The following SORBS2 variants were observed in gnomAD, a reference collection of about 807,000 sequenced individuals.
The protein encoded by SORBS2 is sorbin and SH3 domain containing 2.
A neutral mutation model predicts 97.7 loss-of-function variants in SORBS2; 46 were observed. The observed-to-expected ratio is 0.47, with a 90% CI of 0.37 to 0.60. The LOEUF (loss-of-function observed/expected upper bound fraction) is 0.60, where lower values mean the gene tolerates loss of function less well. Ranked by LOEUF, SORBS2 falls within the 20% of genes least tolerant of loss-of-function variation. The pLI, the probability that SORBS2 is intolerant of heterozygous loss-of-function variation, is 0.00. For synonymous variants in SORBS2, 476 were observed against 473.4 expected (o/e 1.01, Z -0.07); for missense variants, 1,316 against 1,282.3 (o/e 1.03, Z -0.40).
chr4:185,752,658 C>T (rs868676003), intron 2 of SORBS2, among the ~76,000 whole-genome samples: 4 of 152,172 alleles, frequency 2.6e-5, no homozygotes, highest in Admixed American at 6.5e-5. Flanking sequence ...AAAATCATGC[C>T]GATGGAAAGC....
chr4:185,894,269 G>A (rs917134939), intron 1 of SORBS2: 2 of 152,192 alleles, frequency 1.3e-5, no homozygotes, highest in African/African-American at 4.8e-5. Context: ...GTTGGCAGGT[G>A]TTGGGGAAAA....
At chr4:185,824,267 C>T (rs189256059) in intron 1 of SORBS2, among the ~76,000 whole-genome samples, 48 of 152,304 alleles carry the variant, frequency 3.2e-4, no homozygotes, top group African/African-American at 1.1e-3. Flanking sequence ...CCTGACCTGG[C>T]TTGTGGCAGT....
At chr4:185,852,828 G>A (rs758324598) in intron 1 of SORBS2, among the ~76,000 whole-genome samples, 1 of 152,090 alleles carries the variant, frequency 6.6e-6, no homozygotes, top group African/African-American at 2.4e-5. Context: ...TTCTCTTTTT[G>A]TTTACTTGAA....
At chr4:185,847,594 C>T (rs977031388) in intron 1 of SORBS2, among the ~76,000 whole-genome samples, 2 of 152,194 alleles carry the variant, frequency 1.3e-5, no homozygotes, top group Non-Finnish European at 2.9e-5. Flanking sequence ...GAGTAAGCGA[C>T]ATATGGCATG....
chr4:185,667,284 C>G (rs960087372), intron 4 of SORBS2, among the ~76,000 whole-genome samples: 6 of 152,074 alleles, frequency 3.9e-5, no homozygotes, highest in African/African-American at 1.4e-4. Flanking sequence ...GAAATACTGC[C>G]TAGTAAATGT....
At chr4:185,857,859 C>G (rs1026284124) in intron 1 of SORBS2, among the ~76,000 whole-genome samples, 1 of 152,114 alleles carries the variant, frequency 6.6e-6, no homozygotes, top group Non-Finnish European at 1.5e-5. Flanking sequence ...GCTCTCAAAC[C>G]CTGTTTCCTG....
intron 2 of SORBS2, among the ~76,000 whole-genome samples, chr4:185,734,419 C>T (rs1439229467): frequency 6.6e-6 from 1 of 152,010 alleles, no homozygotes; most frequent in Non-Finnish European, 1.5e-5. Flanking sequence ...GCTGTTTTAC[C>T]CAGAGTTGGT....
At chr4:185,587,719 G>T (rs754464510) in intron 14 of SORBS2, 31 bp from the exon 27 acceptor site, 2 of 1,551,484 alleles carry the variant, frequency 1.3e-6, no homozygotes, top group South Asian at 1.1e-5. Flanking sequence ...TGAAAGGGGG[G>T]TGACAACGAT....
Position 185,868,472 on chromosome 4 carries a change from T to C in SORBS2, c.-338+87724A>G, listed in dbSNP as rs1001482849. Among the ~76,000 whole-genome samples the C allele has an allele frequency of 2.0e-5, 3 of 152,078 alleles. No homozygotes were observed. In the South Asian group the frequency reaches 6.2e-4, roughly 32 times the overall value. The stretch of plus-strand genomic sequence containing the variant: ...TGCCCAGCCGAAAGCTTCTACTTTC[T>C]AAAAGACACCCCAGCTCCTAAAATT... On this transcript the variant is annotated intron_variant, in intron 1 of 20. Coordinates refer to the SORBS2 transcript ENST00000284776.
At chr4:185,782,771 GGAGA>G (rs61590602) in intron 1 of SORBS2, among the ~76,000 whole-genome samples, 60,724 of 151,812 alleles carry the variant, frequency 0.4, 12,764 homozygotes, top group Middle Eastern at 0.48. Flanking sequence ...CATGTCAACA[GGAGA>G]GATAAGGAGA....
intron 2 of SORBS2, among the ~76,000 whole-genome samples, chr4:185,716,443 C>T (rs1320441090): frequency 6.6e-6 from 1 of 152,164 alleles, no homozygotes; most frequent in East Asian, 1.9e-4. Flanking sequence ...CAGGTACTGC[C>T]AAAAATGTGA....
intron 2 of SORBS2, among the ~76,000 whole-genome samples, chr4:185,759,318 G>C (rs11132345): frequency 0.32 from 48,119 of 152,110 alleles, 8,021 homozygotes; most frequent in African/African-American, 0.4. Flanking sequence ...GCTTGCTCTT[G>C]CCTCAGTGAT....
chr4:185,695,411 C>A (rs2098162076), intron 2 of SORBS2, among the ~76,000 whole-genome samples: 1 of 151,988 alleles, frequency 6.6e-6, no homozygotes, highest in East Asian at 1.9e-4. Context: ...TACATTGCTA[C>A]TGTTATTTTG....
At chr4:185,943,715 A>T (rs1579613088) in intron 1 of SORBS2, among the ~76,000 whole-genome samples, 1 of 152,344 alleles carries the variant, frequency 6.6e-6, no homozygotes, top group South Asian at 2.1e-4. Flanking sequence ...AGAACAATTG[A>T]AAAAGACTAA....
chr4:185,601,799 C>T (rs6818789), intron 12 of SORBS2, among the ~76,000 whole-genome samples: 37,686 of 151,966 alleles, frequency 0.25, 7,394 homozygotes, highest in African/African-American at 0.55. Flanking sequence ...TGTTGAAAAC[C>T]GTGCGCCGGG....
chr4:185,645,303 A>G (rs2097190162), intron 4 of SORBS2, among the ~76,000 whole-genome samples: 2 of 152,318 alleles, frequency 1.3e-5, no homozygotes, highest in Admixed American at 1.3e-4. Flanking sequence ...GTTTCACTCA[A>G]TTCTCATTCT....
At chr4:185,740,541 T>C (rs953820776) in intron 2 of SORBS2, among the ~76,000 whole-genome samples, 2 of 152,194 alleles carry the variant, frequency 1.3e-5, no homozygotes, top group Non-Finnish European at 2.9e-5. Flanking sequence ...TCATCCAATC[T>C]GCGCTGCAGC....
chr4:185,907,138 CAAA>C (rs1401461983), intron 1 of SORBS2, among the ~76,000 whole-genome samples: 4 of 68,598 alleles, frequency 5.8e-5, no homozygotes, highest in Non-Finnish European at 6.9e-5. Context: ...TCCATCATAA[CAAA>C]AAAAAAAAAA....
chr4:185,616,606 C>T (rs185845146), intron 9 of SORBS2, among the ~76,000 whole-genome samples: 30 of 152,092 alleles, frequency 2.0e-4, no homozygotes, highest in Middle Eastern at 3.4e-3. Flanking sequence ...ATGAAAAAGA[C>T]TCTTTTGTAT....
Sources: gnomAD v4.1 joint callset for allele counts (sites outside exome capture counted in the v4.1 genomes callset) on GRCh38, gnomAD v4.1.1 for gene constraint, MANE v1.5 for transcripts, NCBI Gene and HGNC (gene_info 2026-07-23, HGNC 2026-07-21) for gene names.